The following AARSD1 variants were observed in gnomAD, a reference collection of about 807,000 sequenced individuals.
The protein encoded by AARSD1 is alanyl-tRNA editing protein Aarsd1.
In AARSD1, 44 loss-of-function variants were observed where a neutral mutation model predicts 48.7. That is an observed-to-expected ratio of 0.90 (90% confidence interval 0.71 to 1.16). The LOEUF (loss-of-function observed/expected upper bound fraction) is 1.16. Ranked by LOEUF, AARSD1 falls within the 50% of genes most tolerant of loss-of-function variation. The pLI, the probability that AARSD1 is intolerant of heterozygous loss-of-function variation, is 0.00. For synonymous variants in AARSD1, 189 were observed against 194.9 expected (o/e 0.97, Z 0.25); for missense variants, 511 against 523.1 (o/e 0.98, Z 0.23).
chr17:42,952,724 A>C (rs2049495571), intron 10 of AARSD1, among the ~76,000 whole-genome samples: 1 of 152,134 alleles, frequency 6.6e-6, no homozygotes, highest in Admixed American at 6.6e-5. Flanking sequence ...TCTCTAGGCT[A>C]GAGACCATCA....
intron 11 of AARSD1, 105 bp downstream of exon 11, chr17:42,951,695 G>C: frequency 8.0e-7 from 1 of 1,246,252 alleles, no homozygotes; most frequent in Non-Finnish European, 1.1e-6. Context: ...CCCATGATGT[G>C]AATTAAATGA....
At position 42,955,903 on chromosome 17, in the gene AARSD1, G is replaced by C. The variant is rs201941576; in HGVS notation, c.733C>G (p.Arg245Gly). The part of the protein sequence containing the change: ...RTNLIFLSGN[R>G]VLKWMERSHG... Reference sequence around the variant, plus strand: ...CTTCTCTCCATCCACTTCAGCACCCGGTTCCCAGACAGAAATATCAGGTTG... The same window carrying C: ...CTTCTCTCCATCCACTTCAGCACCCCGTTCCCAGACAGAAATATCAGGTTG... Residue 245 changes from arginine (R) to glycine (G), a missense_variant, in exon 7 of 12, where the codon CGG becomes GGG. Transcript: ENST00000427569. 8 of 1,613,928 alleles carry C rather than the reference G, an allele frequency of 5.0e-6. No individual in the cohort carries two copies. The African/African-American group carries it at 1.1e-4, about 22-fold the overall frequency.
intron 6 of AARSD1, 114 bp downstream of exon 6, chr17:42,956,090 G>A (rs1457607997): frequency 1.9e-6 from 3 of 1,608,410 alleles, no homozygotes; most frequent in African/African-American, 2.7e-5. Flanking sequence ...AAACAGTGAA[G>A]GGGAGATTTC....
chr17:42,960,956 G>A (rs565222209), intron 3 of AARSD1: 5 of 557,768 alleles, frequency 9.0e-6, no homozygotes, highest in East Asian at 8.0e-5. Context: ...TGGAGATATC[G>A]AGTGGGAAGT....
intron 3 of AARSD1, among the ~76,000 whole-genome samples, chr17:42,958,033 G>C (rs2049582201): frequency 6.6e-6 from 1 of 152,084 alleles, no homozygotes; most frequent in Non-Finnish European, 1.5e-5. Flanking sequence ...TGACAAGCAA[G>C]GCCAGGATGC....
intron 2 of AARSD1, 82 bp downstream of exon 2, chr17:42,964,024 G>A (rs2049675955): frequency 1.3e-6 from 2 of 1,588,542 alleles, no homozygotes; most frequent in Non-Finnish European, 1.7e-6. Context: ...ATTCATTATG[G>A]CTGAGAAAAA....
intron 7 of AARSD1, 28 bp downstream of exon 7, chr17:42,955,814 G>A (rs780672326): frequency 1.2e-6 from 2 of 1,613,296 alleles, no homozygotes; most frequent in South Asian, 2.2e-5. Context: ...GAAATGGGAG[G>A]TAATCGAAGG....
At chr17:42,960,304 T>C (rs2049616938) in intron 3 of AARSD1, among the ~76,000 whole-genome samples, 1 of 150,482 alleles carries the variant, frequency 6.6e-6, no homozygotes, top group Admixed American at 6.6e-5. Context: ...ATGTGGAGAA[T>C]GGGCTACAGA....
intron 7 of AARSD1, 121 bp from the exon 8 acceptor site, chr17:42,955,345 T>C (rs775948746): frequency 1.6e-6 from 2 of 1,258,384 alleles, no homozygotes; most frequent in Non-Finnish European, 2.2e-6. Context: ...CCAGGAGATA[T>C]TCTGAGGAGG....
intron 3 of AARSD1, 124 bp from the exon 4 acceptor site, chr17:42,957,319 G>A: frequency 1.7e-6 from 2 of 1,190,830 alleles, no homozygotes; most frequent in Non-Finnish European, 2.3e-6. Flanking sequence ...CTAAGCACTG[G>A]GTAATACACT....
chr17:42,956,125 C>A lies in AARSD1; in HGVS notation c.663+79G>T, dbSNP rs763967598. The A allele has an allele frequency of 2.5e-6, 4 of 1,610,984 alleles. No individual in the cohort carries two copies. The African/African-American group carries it at 5.3e-5, about 22-fold the overall frequency. The stretch of plus-strand genomic sequence containing the variant: ...CACTTAGGACTCCTCGATTATCCCC[C>A]TCTCCCACTCCCAGCCCCATGTGAT... On this transcript the variant is annotated intron_variant, in intron 6 of 11. Coordinates refer to ENST00000427569, the MANE Select transcript of AARSD1 (RefSeq NM_001261434.2).
intron 9 of AARSD1, 64 bp downstream of exon 9, chr17:42,954,812 G>A (rs2049524518): frequency 3.9e-6 from 6 of 1,549,922 alleles, no homozygotes; most frequent in African/African-American, 1.4e-5. Flanking sequence ...TGCATATAGA[G>A]AAGACACTGA....
rs2049465824 is a variant in AARSD1, at chr17:42,950,605, A to G, written c.1227T>C (p.Ser409=). ...ALLQDYISTQ[S]AKE is the part of the protein sequence containing the mutation. ...GTGCCCTAAGCCCTCACTCCTTAGC[A>G]CTCTGCGTGCTGATGTAGTCCTGGA... The change falls in exon 12 of 12, where the codon AGT becomes AGC. Residue 409 remains serine, a synonymous_variant. Transcript: ENST00000427569. The G allele has an allele frequency of 6.2e-7, 1 of 1,613,074 alleles. No individual in the cohort carries two copies. The highest frequency in any genetic ancestry group is 8.5e-7 in the Non-Finnish European group (1 of 1,179,744).
At chr17:42,953,031 G>A (rs1957454251) in intron 10 of AARSD1, among the ~76,000 whole-genome samples, 1 of 152,150 alleles carries the variant, frequency 6.6e-6, no homozygotes, top group Non-Finnish European at 1.5e-5. Flanking sequence ...CCATGCTAGA[G>A]TGCTGTGGCA....
chr17:42,953,078 CAA>C (rs1435156385), intron 10 of AARSD1, among the ~76,000 whole-genome samples: 1 of 152,190 alleles, frequency 6.6e-6, no homozygotes, highest in African/African-American at 2.4e-5. Context: ...CTACCAGGCT[CAA>C]GAGATTCTCA....
intron 2 of AARSD1, 149 bp downstream of exon 2, chr17:42,963,957 T>G: frequency 7.2e-7 from 1 of 1,387,618 alleles, no homozygotes; most frequent in East Asian, 2.3e-5. Context: ...GATAAGCAAT[T>G]GCTGATAAAT....
At position 42,955,981 on chromosome 17, in the gene AARSD1, G is replaced by A. The variant is rs375627788; in HGVS notation, c.664-9C>T. On this transcript the variant is annotated splice_polypyrimidine_tract_variant and intron_variant, in intron 6 of 11. Coordinates refer to ENST00000427569, the MANE Select transcript of AARSD1 (RefSeq NM_001261434.2). ...CCCAGAATCTTAATGACCTACATGAGGCAAGGGGGTAACACACACACACAC... is the reference window on the plus strand; with the variant it reads ...CCCAGAATCTTAATGACCTACATGAAGCAAGGGGGTAACACACACACACAC... 2.9e-5 allele frequency: 46 copies of A among 1,613,958 alleles called. 1 individual carries two copies. Among genetic ancestry groups the A allele is most frequent in the African/African-American group, 2.7e-4 (20 of 74,984 alleles).
intron 10 of AARSD1, 88 bp from the exon 11 acceptor site, chr17:42,951,982 T>C: frequency 4.3e-6 from 6 of 1,408,460 alleles, no homozygotes; most frequent in South Asian, 2.4e-5. Flanking sequence ...ATCTTAAGAA[T>C]AGATTATTTC....
At chr17:42,955,292 C>T in intron 7 of AARSD1, 68 bp from the exon 8 acceptor site, 1 of 1,589,276 alleles carries the variant, frequency 6.3e-7, no homozygotes, top group Non-Finnish European at 8.6e-7. Flanking sequence ...GGACATAAAT[C>T]AATAATTTCC....
Sources: allele counts gnomAD v4.1 joint callset (sites outside exome capture counted in the v4.1 genomes callset), GRCh38; gene constraint gnomAD v4.1.1; transcripts MANE v1.5; gene names NCBI Gene and HGNC (gene_info 2026-07-23, HGNC 2026-07-21).